Variants in SHANK2 observed in about 807,000 individuals in gnomAD.
SHANK2 encodes the protein SH3 and multiple ankyrin repeat domains protein 2.
SHANK2 carries 43 observed loss-of-function variants against 133.7 expected under a neutral mutation model. The ratio of observed to expected loss-of-function variants is 0.32; its 90% CI spans 0.25 to 0.41. The LOEUF (loss-of-function observed/expected upper bound fraction) is 0.41, where lower values mean the gene tolerates loss of function less well. Ranked by LOEUF, SHANK2 falls within the 10% of genes least tolerant of loss-of-function variation. The pLI is 1.00. For missense variants in SHANK2, 1,994 were observed against 2,235.8 expected, an observed-to-expected ratio of 0.89 and a Z score of 2.18; for synonymous variants, 1,017 against 952.8, an observed-to-expected ratio of 1.07 and a Z score of -1.24.
At chr11:71,105,474 T>G (rs1555097637) in intron 6 of SHANK2, among the ~76,000 whole-genome samples, 1 of 150,044 alleles carries the variant, frequency 6.7e-6, no homozygotes, top group Non-Finnish European at 1.5e-5. Flanking sequence ...ACGTCTATAA[T>G]CCCAGCTACC....
chr11:70,773,601 C>T (rs901193868), intron 14 of SHANK2, among the ~76,000 whole-genome samples: 1 of 152,170 alleles, frequency 6.6e-6, no homozygotes, highest in East Asian at 1.9e-4. Flanking sequence ...CTTCCTTATA[C>T]CTTTCTTTAT....
At position 70,564,660 on chromosome 11, in the gene SHANK2, C is replaced by T. The variant is rs2059946675; in HGVS notation, c.2062-61729G>A. 3.9e-5 allele frequency among the ~76,000 whole-genome samples: 6 copies of T among 152,246 alleles called. No individual in the cohort carries two copies. In the South Asian group the frequency reaches 1.2e-3, roughly 32 times the overall value. On this transcript the variant is annotated intron_variant, in intron 17 of 25. Transcript: ENST00000601538. ...TGGAAGCTATCTTGCAGCTCACTGA[C>T]TGATGTTCTTTTAAAAAGAATTCTT... is the stretch of plus-strand genomic sequence containing the variant.
rs557540185 is a variant in SHANK2, at chr11:70,591,954, G to C, written c.2061+67874C>G. Among the ~76,000 whole-genome samples, 16 of 152,172 alleles carry C rather than the reference G, an allele frequency of 1.1e-4. No individual in the cohort carries two copies. The South Asian group carries it at 3.3e-3, about 32-fold the overall frequency. On this transcript the variant is annotated intron_variant, in intron 17 of 25. Coordinates refer to ENST00000601538, the MANE Select transcript of SHANK2 (RefSeq NM_012309.5). ...GAACCGCTGAAACCGGGAGGCCGAG[G>C]TTGCAGTGAGCTGAGATGGCACCAT... is the stretch of plus-strand genomic sequence containing the variant.
chr11:70,777,926 C>T (rs1555044286), intron 14 of SHANK2, among the ~76,000 whole-genome samples: 1 of 152,196 alleles, frequency 6.6e-6, no homozygotes, highest in African/African-American at 2.4e-5. Context: ...GGTTGAGGGC[C>T]ATACCCTAAC....
At chr11:70,593,259 A>G (rs948192) in intron 17 of SHANK2, among the ~76,000 whole-genome samples, 118,617 of 152,238 alleles carry the variant, frequency 0.78, 46,488 homozygotes, top group East Asian at 0.93. Flanking sequence ...CTCTTGCTGC[A>G]TTGAGAAAAA....
At chr11:70,768,853 T>C (rs1304782610) in intron 14 of SHANK2, among the ~76,000 whole-genome samples, 3 of 152,070 alleles carry the variant, frequency 2.0e-5, no homozygotes, top group African/African-American at 4.8e-5. Flanking sequence ...GTTCTCACCC[T>C]GCACATGGGA....
intron 1 of SHANK2, among the ~76,000 whole-genome samples, chr11:71,249,566 C>G (rs545317940): frequency 2.6e-5 from 4 of 152,294 alleles, no homozygotes; most frequent in Admixed American, 1.3e-4. Context: ...GCTGGAATTG[C>G]AGGCAGGTAA....
chr11:70,781,181 T>G (rs1398839163), intron 14 of SHANK2, among the ~76,000 whole-genome samples: 1 of 151,292 alleles, frequency 6.6e-6, no homozygotes, highest in Non-Finnish European at 1.5e-5. Flanking sequence ...CCCGGACCGG[T>G]TGCATGTAAG....
intron 17 of SHANK2, among the ~76,000 whole-genome samples, chr11:70,616,938 G>C (rs1169511839): frequency 6.6e-6 from 1 of 152,244 alleles, no homozygotes; most frequent in African/African-American, 2.4e-5. Flanking sequence ...TCCTGTGTGT[G>C]TCTATGATAG....
rs75127691 is a variant in SHANK2, at chr11:70,594,222, G to T, written c.2061+65606C>A. The stretch of plus-strand genomic sequence containing the variant: ...ATATGATTCGGCCACAAAAAGGACC[G>T]CAGCTTTGACATGCCGGGGCGTGGG... On this transcript the variant is annotated intron_variant, in intron 17 of 25. Transcript: ENST00000601538. Among the ~76,000 whole-genome samples the T allele has an allele frequency of 1.7e-4, 26 of 152,304 alleles. No homozygotes were observed. The East Asian group carries it at 5.0e-3, about 29-fold the overall frequency.
At chr11:70,775,243 G>A (rs1182199594) in intron 14 of SHANK2, among the ~76,000 whole-genome samples, 1 of 152,192 alleles carries the variant, frequency 6.6e-6, no homozygotes, top group African/African-American at 2.4e-5. Context: ...GGATCACAAG[G>A]TCAGGAGTTC....
intron 17 of SHANK2, among the ~76,000 whole-genome samples, chr11:70,622,916 C>A (rs1321722517): frequency 6.6e-6 from 1 of 152,180 alleles, no homozygotes; most frequent in Non-Finnish European, 1.5e-5. Context: ...GTGGCTCACA[C>A]CTGTAATCCC....
chr11:71,217,873 C>T (rs1954445948), intron 2 of SHANK2, among the ~76,000 whole-genome samples: 1 of 152,160 alleles, frequency 6.6e-6, no homozygotes, highest in Admixed American at 6.5e-5. Context: ...TTTTTTGAGA[C>T]AGAGTCTCGC....
intron 10 of SHANK2, among the ~76,000 whole-genome samples, chr11:70,945,590 C>T (rs577250888): frequency 6.6e-6 from 1 of 152,320 alleles, no homozygotes; most frequent in South Asian, 2.1e-4. Flanking sequence ...CCTGCCAGGC[C>T]TTCAGCATCA....
intron 17 of SHANK2, among the ~76,000 whole-genome samples, chr11:70,623,276 C>A (rs1291262381): frequency 6.6e-6 from 1 of 152,148 alleles, no homozygotes; most frequent in Non-Finnish European, 1.5e-5. Context: ...CCCTCCAGGT[C>A]CCCGGGCGGT....
chr11:70,549,569 C>G (rs181070545), intron 17 of SHANK2, among the ~76,000 whole-genome samples: 1 of 152,116 alleles, frequency 6.6e-6, no homozygotes, highest in Admixed American at 6.5e-5. Flanking sequence ...CAGGGGCAGG[C>G]GGGGGCCGTG....
chr11:71,116,327 T>C (rs1951977509), intron 4 of SHANK2, among the ~76,000 whole-genome samples: 3 of 152,106 alleles, frequency 2.0e-5, no homozygotes, highest in African/African-American at 2.4e-5. Flanking sequence ...TGTGCAGGAG[T>C]AGAAATGATC....
intron 14 of SHANK2, among the ~76,000 whole-genome samples, chr11:70,708,324 A>G (rs1432295764): frequency 6.6e-6 from 1 of 151,420 alleles, no homozygotes; most frequent in Non-Finnish European, 1.5e-5. Flanking sequence ...CTCCTGATGG[A>G]CGGCCCTGGA....
At chr11:70,914,458 C>G (rs1950239678) in intron 10 of SHANK2, among the ~76,000 whole-genome samples, 1 of 151,842 alleles carries the variant, frequency 6.6e-6, no homozygotes, top group Non-Finnish European at 1.5e-5. Flanking sequence ...CTTAAAAACC[C>G]AGCCTCGCAC....
Sources: allele counts gnomAD v4.1 joint callset (sites outside exome capture counted in the v4.1 genomes callset), GRCh38; gene constraint gnomAD v4.1.1; transcripts MANE v1.5; gene names NCBI Gene and HGNC (gene_info 2026-07-23, HGNC 2026-07-21).